RNLS: variants seen among roughly 807,000 people sequenced by gnomAD.
RNLS encodes renalase.
A neutral mutation model predicts 39.8 loss-of-function variants in RNLS; 39 were observed. That is an observed-to-expected ratio of 0.98 (90% confidence interval 0.76 to 1.28). The LOEUF is 1.28. Ranked by LOEUF, RNLS falls within the 50% of genes most tolerant of loss-of-function variation. The probability of loss-of-function intolerance (pLI) is 0.00; values close to 1 mark genes in which losing one functional copy is unlikely to be tolerated. For missense variants in RNLS, 410 were observed against 413.3 expected (o/e 0.99, Z 0.07); for synonymous variants, 147 against 150.7 (o/e 0.98, Z 0.18).
intron 5 of RNLS, 117 bp downstream of exon 5, chr10:88,362,435 T>A: frequency 1.1e-6 from 1 of 876,930 alleles, no homozygotes; most frequent in Non-Finnish European, 1.7e-6. Flanking sequence ...TTATCCCCTG[T>A]GGCTTGGAGT....
chr10:88,181,180 A>G, the RNLS span, among the ~76,000 whole-genome samples: 1,719 of 152,316 alleles, frequency 0.011, 28 homozygotes, highest in African/African-American at 0.039. Flanking sequence ...AGAAGCACAG[A>G]TCAGGGAGCT....
At chr10:88,272,096 G>C (rs989299587), downstream of RNLS, among the ~76,000 whole-genome samples, 1 of 152,214 alleles carries the variant, frequency 6.6e-6, no homozygotes, top group African/African-American at 2.4e-5. Context: ...AAGGTGGTCA[G>C]TGTGCCCCAG....
chr10:88,217,738 GAA>G, the RNLS span, among the ~76,000 whole-genome samples: 206 of 97,592 alleles, frequency 2.1e-3, 6 homozygotes, highest in African/African-American at 8.1e-3. Context: ...GCCTTCAAAT[GAA>G]AAAAAAAAAA....
the RNLS span, among the ~76,000 whole-genome samples, chr10:88,250,854 A>G: frequency 4.7e-3 from 723 of 152,354 alleles, 2 homozygotes; most frequent in South Asian, 0.033. Flanking sequence ...TGAAAGAGGC[A>G]TGTAAATTTG....
At chr10:88,201,652 C>T in the RNLS span, among the ~76,000 whole-genome samples, 3 of 151,436 alleles carry the variant, frequency 2.0e-5, no homozygotes, top group Non-Finnish European at 4.4e-5. Context: ...TGAATCCCCT[C>T]GCTGAACCCT....
chr10:88,508,350 C>T (rs932074651), intron 4 of RNLS, among the ~76,000 whole-genome samples: 7 of 152,098 alleles, frequency 4.6e-5, no homozygotes, highest in African/African-American at 1.2e-4. Context: ...TTTATTTCCT[C>T]ATCTGTAAGA....
intron 4 of RNLS, among the ~76,000 whole-genome samples, chr10:88,406,186 T>C (rs1322051105): frequency 6.6e-6 from 1 of 152,122 alleles, no homozygotes; most frequent in Non-Finnish European, 1.5e-5. Context: ...TTGGATAACC[T>C]AATGACAATG....
At chr10:88,408,577 A>AT (rs1295833245) in intron 4 of RNLS, among the ~76,000 whole-genome samples, 7 of 151,896 alleles carry the variant, frequency 4.6e-5, no homozygotes, top group South Asian at 4.2e-4. Context: ...CGGCCAATAA[A>AT]TTTTTTTTCA....
chr10:88,480,216 C>A (rs1010451286), intron 4 of RNLS, among the ~76,000 whole-genome samples: 5 of 152,212 alleles, frequency 3.3e-5, no homozygotes, highest in African/African-American at 1.2e-4. Flanking sequence ...GCATATTCCA[C>A]GTTCCTTTAC....
At chr10:88,337,494 G>C (rs1847589205) in intron 5 of RNLS, among the ~76,000 whole-genome samples, 1 of 152,156 alleles carries the variant, frequency 6.6e-6, no homozygotes. Context: ...CTAAAGCCAG[G>C]CCAATCAGGT....
chr10:88,377,804 T>TAACA (rs1851137299), intron 4 of RNLS, among the ~76,000 whole-genome samples: 1 of 152,210 alleles, frequency 6.6e-6, no homozygotes, highest in African/African-American at 2.4e-5. Flanking sequence ...AAATTTATTT[T>TAACA]AACAAATTTT....
intron 6 of RNLS, among the ~76,000 whole-genome samples, chr10:88,286,418 T>C (rs1459388775): frequency 5.3e-5 from 8 of 152,076 alleles, no homozygotes. Flanking sequence ...TTTGGATGGA[T>C]GATGGCTAAT....
At chr10:88,322,989 C>A (rs1582784) in intron 5 of RNLS, among the ~76,000 whole-genome samples, 58,808 of 151,942 alleles carry the variant, frequency 0.39, 11,749 homozygotes, top group East Asian at 0.5. Context: ...TATACACCAG[C>A]AACACTCAAG....
At chr10:88,309,436 G>A in intron 6 of RNLS, 1 of 1,289,744 alleles carries the variant, frequency 7.8e-7, no homozygotes, top group Non-Finnish European at 1.0e-6. Flanking sequence ...GTGGTCTCAA[G>A]CTCTTCTGTG....
At chr10:88,543,707 CA>C (rs1242373232) in intron 4 of RNLS, among the ~76,000 whole-genome samples, 1 of 152,144 alleles carries the variant, frequency 6.6e-6, no homozygotes, top group Non-Finnish European at 1.5e-5. Flanking sequence ...AAATGCAAGA[CA>C]TGCCAAATGC....
chr10:88,563,296 C>T (rs1849292793), intron 4 of RNLS, among the ~76,000 whole-genome samples: 1 of 152,110 alleles, frequency 6.6e-6, no homozygotes, highest in African/African-American at 2.4e-5. Context: ...TCTACATCAA[C>T]ATAACTGTTT....
the RNLS span, among the ~76,000 whole-genome samples, chr10:88,180,969 A>G: frequency 6.6e-6 from 1 of 152,118 alleles, no homozygotes; most frequent in Non-Finnish European, 1.5e-5. Context: ...TCCATGCTTT[A>G]TTTTACTGCT....
chr10:88,195,149 AC>A, the RNLS span, among the ~76,000 whole-genome samples: 1 of 152,120 alleles, frequency 6.6e-6, no homozygotes, highest in Non-Finnish European at 1.5e-5. Flanking sequence ...CTTTTTCCTG[AC>A]CCTGAATGAG....
At chr10:88,424,585 T>G (rs1200609561) in intron 4 of RNLS, among the ~76,000 whole-genome samples, 1 of 152,106 alleles carries the variant, frequency 6.6e-6, no homozygotes, top group Non-Finnish European at 1.5e-5. Flanking sequence ...TCATAAAGTG[T>G]TCTATCACAT....
Sources: gnomAD v4.1 joint callset for allele counts (sites outside exome capture counted in the v4.1 genomes callset) on GRCh38, gnomAD v4.1.1 for gene constraint, MANE v1.5 for transcripts, NCBI Gene and HGNC (gene_info 2026-07-23, HGNC 2026-07-21) for gene names.